Variants in STRIP2 observed in about 807,000 individuals in gnomAD.
STRIP2 encodes the protein striatin interacting protein 2, also known as striatin-interacting protein 2.
STRIP2 carries 84 observed loss-of-function variants against 107.1 expected under a neutral mutation model. The observed-to-expected ratio is 0.78, with a 90% CI of 0.66 to 0.94. The LOEUF is 0.94. Ranked by LOEUF, STRIP2 falls within the 40% of genes least tolerant of loss-of-function variation. STRIP2 has a pLI of 0.00. For missense variants in STRIP2, 888 were observed against 1,034.2 expected, an observed-to-expected ratio of 0.86 and a Z score of 1.94; for synonymous variants, 394 against 400.4, an observed-to-expected ratio of 0.98 and a Z score of 0.19.
chr7:129,444,793 A>C (rs1057332698), intron 3 of STRIP2, among the ~76,000 whole-genome samples: 1 of 152,182 alleles, frequency 6.6e-6, no homozygotes, highest in African/African-American at 2.4e-5. Context: ...GAAACTCACC[A>C]ATCCCCAACC....
intron 13 of STRIP2, 29 bp from the exon 14 acceptor site, chr7:129,462,937 A>G (rs751344248): frequency 5.6e-6 from 9 of 1,604,860 alleles, no homozygotes; most frequent in East Asian, 2.2e-5. Flanking sequence ...GGAAAGTGGC[A>G]TTGCCAAACC....
At chr7:129,436,889 T>G (rs1797755694) in intron 1 of STRIP2, among the ~76,000 whole-genome samples, 1 of 152,190 alleles carries the variant, frequency 6.6e-6, no homozygotes, top group East Asian at 1.9e-4. Context: ...AATAATTGTT[T>G]GCTTAATAAG....
At chr7:129,469,786 A>G (rs1488313367) in intron 17 of STRIP2, among the ~76,000 whole-genome samples, 1 of 152,264 alleles carries the variant, frequency 6.6e-6, no homozygotes, top group East Asian at 1.9e-4. Context: ...CAGGTTCATT[A>G]TAGCAGTGTG....
Position 129,485,727 on chromosome 7 carries a change from G to A in STRIP2, c.2403G>A (p.Arg801=). ...DNCLQSVLGQ[R]LDLPEDFHYS... is the part of the protein sequence containing the mutation. ...GCTTGCAGAGCGTACTGGGGCAGAGGTTGGATCTGCCTGAAGATTTCCACT... is the reference window on the plus strand; with the variant it reads ...GCTTGCAGAGCGTACTGGGGCAGAGATTGGATCTGCCTGAAGATTTCCACT... The change falls in exon 21 of 21, where the codon AGG becomes AGA. Residue 801 remains arginine (R), a synonymous_variant. Coordinates refer to ENST00000249344, the MANE Select transcript of STRIP2 (RefSeq NM_020704.3). 6.2e-7 allele frequency: 1 copy of A among 1,614,196 alleles called. No homozygotes were observed. Among genetic ancestry groups the A allele is most frequent in the African/African-American group, 1.3e-5 (1 of 75,052 alleles).
intron 16 of STRIP2, among the ~76,000 whole-genome samples, chr7:129,466,073 A>G (rs1798663735): frequency 6.6e-6 from 1 of 152,090 alleles, no homozygotes; most frequent in Non-Finnish European, 1.5e-5. Context: ...GAGTAGTGGT[A>G]GGTAGGAGAT....
chr7:129,446,797 C>T (rs577052480), intron 3 of STRIP2, among the ~76,000 whole-genome samples: 5 of 152,276 alleles, frequency 3.3e-5, no homozygotes, highest in African/African-American at 4.8e-5. Flanking sequence ...AGCCCGATCA[C>T]GTATATACCA....
At chr7:129,484,902 A>G (rs1799208286) in intron 20 of STRIP2, among the ~76,000 whole-genome samples, 1 of 152,216 alleles carries the variant, frequency 6.6e-6, no homozygotes, top group African/African-American at 2.4e-5. Context: ...GGAGATTTGT[A>G]TCTTCAGCCC....
At chr7:129,451,235 G>A (rs533470803) in intron 3 of STRIP2, among the ~76,000 whole-genome samples, 60 of 152,130 alleles carry the variant, frequency 3.9e-4, no homozygotes, top group African/African-American at 1.2e-3. Flanking sequence ...CACCGCACCC[G>A]GCCGAGAAAG....
At chr7:129,434,625 C>T (rs1797679168) in intron 1 of STRIP2, 24 bp downstream of exon 1, 1 of 1,462,238 alleles carries the variant, frequency 6.8e-7, no homozygotes. Flanking sequence ...AAAGCTTCGG[C>T]TGGGGCCCGG....
In STRIP2 at chr7:129,483,277, TGA is replaced by T. The variant is rs1048123240; in HGVS notation, c.2254+236_2254+237del. 8.4e-5 allele frequency: 104 copies of T among 1,244,166 alleles called. No individual in the cohort carries two copies. The highest frequency in any genetic ancestry group is 9.6e-5 in the Non-Finnish European group (95 of 992,472). 77.1% of individuals were successfully genotyped at this position (1,244,166 alleles called of 1,614,324 possible). On this transcript the variant is annotated intron_variant, in intron 20 of 20. Coordinates refer to ENST00000249344, the MANE Select transcript of STRIP2 (RefSeq NM_020704.3). The surrounding 1 kb of genome is among the most constrained non-coding windows in gnomAD (Gnocchi z 5.1). ...AATCCGTTTTATAAAACAAGTAAAT[TGA>T]GAGATAATTAATTGCCTTTCCAAAA...
chr7:129,442,586 TAAA>T lies in STRIP2; in HGVS notation c.200-1435_200-1433del, dbSNP rs1167602197. Among the ~76,000 whole-genome samples the T allele has an allele frequency of 5.9e-5, 9 of 152,290 alleles. No individual in the cohort carries two copies. In the East Asian group the frequency reaches 1.7e-3, roughly 29 times the overall value. ...AAATTCATAATCTAAAATTTAAAAATAAAAAGACCAAGACTAAAGTTCAGTACC... is the reference window on the plus strand; with the variant it reads ...AAATTCATAATCTAAAATTTAAAAATAAGACCAAGACTAAAGTTCAGTACC... On this transcript the variant is annotated intron_variant, in intron 2 of 20. Coordinates refer to ENST00000249344, the MANE Select transcript of STRIP2 (RefSeq NM_020704.3).
chr7:129,444,819 A>G (rs1213029713), intron 3 of STRIP2, among the ~76,000 whole-genome samples: 1 of 152,248 alleles, frequency 6.6e-6, no homozygotes, highest in African/African-American at 2.4e-5. Context: ...ACTATTATAT[A>G]AAGTTAACAA....
intron 11 of STRIP2, among the ~76,000 whole-genome samples, chr7:129,459,306 C>A (rs1302215186): frequency 6.6e-6 from 1 of 152,182 alleles, no homozygotes; most frequent in East Asian, 1.9e-4. Flanking sequence ...ATAAAAATCT[C>A]CTGATTTCCA....
At position 129,487,123 on chromosome 7, in the gene STRIP2, C is replaced by T. The variant is rs1229358343; in HGVS notation, c.*1294C>T. On this transcript the variant is annotated 3_prime_UTR_variant, in exon 21 of 21. Coordinates refer to ENST00000249344, the MANE Select transcript of STRIP2 (RefSeq NM_020704.3). The stretch of plus-strand genomic sequence containing the variant: ...CCGCCTCCCGGGTTCAAGCGATTCT[C>T]CTGCCTCAGCCTCCCAAGGAGCTGG... The T allele has an allele frequency of 6.7e-6, 1 of 150,132 alleles. No individual in the cohort carries two copies. The highest frequency in any genetic ancestry group is 2.0e-4 in the East Asian group (1 of 5,010). The allele number at this position is 150,132 out of a possible 1,614,324, so 9.3% of individuals were successfully genotyped here.
intron 18 of STRIP2, 104 bp from the exon 19 acceptor site, chr7:129,480,681 A>G: frequency 1.2e-6 from 1 of 847,434 alleles, no homozygotes; most frequent in South Asian, 1.7e-5. Context: ...GTATTATTTC[A>G]TACAGGAAGG....
chr7:129,438,101 G>A (rs999412469), intron 1 of STRIP2, among the ~76,000 whole-genome samples: 1 of 152,080 alleles, frequency 6.6e-6, no homozygotes, highest in African/African-American at 2.4e-5. Context: ...CACTGCGCCC[G>A]GCCAATTTGC....
chr7:129,458,748 G>A lies in STRIP2; in HGVS notation c.1311G>A (p.Arg437=). The A allele has an allele frequency of 1.2e-6, 2 of 1,614,188 alleles. No homozygotes were observed. The highest frequency in any genetic ancestry group is 8.5e-7 in the Non-Finnish European group (1 of 1,180,050). Residue 437 remains arginine, a synonymous_variant, in exon 11 of 21, where the codon AGG becomes AGA. Transcript: ENST00000249344. The surrounding 1 kb of genome is among the most constrained non-coding windows in gnomAD (Gnocchi z 4.6). ...KDIEHFLEMS[R]NKFIGFTLGQ... Reference sequence around the variant, plus strand: ...TTGAGCACTTCTTGGAGATGAGCAGGAACAAGTTCATCGGATTCACCCTGG... The same window carrying A: ...TTGAGCACTTCTTGGAGATGAGCAGAAACAAGTTCATCGGATTCACCCTGG...
chr7:129,467,213 A>G (rs1562910887), intron 16 of STRIP2, 137 bp from the exon 17 acceptor site: 2 of 656,132 alleles, frequency 3.0e-6, no homozygotes, highest in Non-Finnish European at 5.3e-6. Context: ...TTTCCCAGAC[A>G]GGAAGACTGA....
Position 129,458,388 on chromosome 7 carries a change from G to A in STRIP2, c.1212G>A (p.Gln404=), listed in dbSNP as rs1345525323. The A allele has an allele frequency of 6.2e-7, 1 of 1,613,522 alleles. No individual in the cohort carries two copies. The highest frequency in any genetic ancestry group is 8.5e-7 in the Non-Finnish European group (1 of 1,179,810). The stretch of plus-strand genomic sequence containing the variant: ...CTCTGGTGCCACCTCCACCCTCACA[G>A]GCACCCCTCTCTGCTGAGCGGGTGG... ...QDPLVPPPPS[Q]APLSAERVAF... is the part of the protein sequence containing the mutation. The change falls in exon 10 of 21, where the codon CAG becomes CAA. Residue 404 remains glutamine, a synonymous_variant. Coordinates refer to ENST00000249344, the MANE Select transcript of STRIP2 (RefSeq NM_020704.3). The surrounding 1 kb of genome is among the most constrained non-coding windows in gnomAD (Gnocchi z 4.6).
Sources: allele counts gnomAD v4.1 joint callset (sites outside exome capture counted in the v4.1 genomes callset), GRCh38; gene constraint gnomAD v4.1.1; non-coding constraint Gnocchi (gnomAD v3.1); transcripts MANE v1.5; gene names NCBI Gene and HGNC (gene_info 2026-07-23, HGNC 2026-07-21).